Variants in RFC3 observed in about 807,000 individuals in gnomAD.
RFC3 encodes A1 38 kDa subunit.
In RFC3, 41 loss-of-function variants were observed where a neutral mutation model predicts 45.1. The ratio of observed to expected loss-of-function variants is 0.91; its 90% CI spans 0.71 to 1.18. RFC3 has a LOEUF of 1.18. Among genes scored for constraint, RFC3 ranks in the 50% most tolerant of loss-of-function variants. RFC3 has a pLI of 0.00. For synonymous variants in RFC3, 149 were observed against 144.0 expected (o/e 1.03, Z -0.25); for missense variants, 423 against 428.1 (o/e 0.99, Z 0.10).
At chr13:33,835,477 G>C (rs1209478361) in intron 8 of RFC3, 1 of 633,128 alleles carries the variant, frequency 1.6e-6, no homozygotes, top group African/African-American at 1.8e-5. Flanking sequence ...TCAGAGTGTT[G>C]TAAGTGCTGT....
At chr13:33,926,887 G>A (rs9598327) in intron 8 of RFC3, among the ~76,000 whole-genome samples, 3,436 of 150,618 alleles carry the variant, frequency 0.023, 113 homozygotes, top group African/African-American at 0.08. Context: ...GGAAATAATG[G>A]CTCATTCTGA....
At chr13:33,872,548 A>C (rs1181034638) in intron 8 of RFC3, among the ~76,000 whole-genome samples, 1 of 152,196 alleles carries the variant, frequency 6.6e-6, no homozygotes, top group East Asian at 1.9e-4. Context: ...AGCCTGACCA[A>C]CATGGAGAAA....
chr13:33,925,131 T>TACAC (rs1566030557), intron 8 of RFC3, among the ~76,000 whole-genome samples: 1 of 143,636 alleles, frequency 7.0e-6, no homozygotes, highest in African/African-American at 2.7e-5. Flanking sequence ...CATATATACA[T>TACAC]GCATATATAG....
chr13:33,823,974 G>A lies in RFC3; in HGVS notation c.283G>A (p.Val95Ile), dbSNP rs1318523948. 4 of 1,537,996 alleles carry A rather than the reference G, an allele frequency of 2.6e-6. No individual in the cohort carries two copies. In the African/African-American group the frequency reaches 4.1e-5, roughly 16 times the overall value. ...STIASNYHLE[V>I]NPSDAGNSDR... ...CATTGCAAGTAACTACCACCTTGAA[G>A]TTAATCCTAGGTAAGTTACTACTAT... Residue 95 changes from valine (V) to isoleucine (I), a missense_variant, in exon 3 of 9, where the codon GTT becomes ATT. Val to Ile is a conservative substitution (Grantham distance 29). Coordinates refer to ENST00000380071, the MANE Select transcript of RFC3 (RefSeq NM_002915.4).
At chr13:33,926,375 A>G (rs2082813707) in intron 8 of RFC3, among the ~76,000 whole-genome samples, 1 of 152,020 alleles carries the variant, frequency 6.6e-6, no homozygotes, top group South Asian at 2.1e-4. Flanking sequence ...AAATAAATAA[A>G]TTAAAAAAAA....
At chr13:33,824,148 A>G (rs1346931988) in intron 3 of RFC3, among the ~76,000 whole-genome samples, 164 bp downstream of exon 3, 2 of 152,142 alleles carry the variant, frequency 1.3e-5, no homozygotes, top group Non-Finnish European at 1.5e-5. Flanking sequence ...TGGGAATCCT[A>G]GAGCCCTTCC....
downstream of RFC3, among the ~76,000 whole-genome samples, chr13:33,967,024 G>A (rs886896146): frequency 3.9e-5 from 6 of 151,980 alleles, no homozygotes; most frequent in African/African-American, 1.4e-4. Context: ...TGGGCGTGGT[G>A]GTGCCGCTTG....
rs376913448 is a variant in RFC3, at chr13:33,835,190, T to C, written c.852T>C (p.His284=). Residue 284 remains histidine (H), a synonymous_variant, in exon 8 of 9, where the codon CAT becomes CAC. Transcript: ENST00000380071. ...GAAGGCTGTATGAGCTTCTAACTCATTGTATTCCTCCTGAGATAATAATGA... is the reference window on the plus strand; with the variant it reads ...GAAGGCTGTATGAGCTTCTAACTCACTGTATTCCTCCTGAGATAATAATGA... The part of the protein sequence containing the change: ...VRGRLYELLT[H]CIPPEIIMKG... 2.0e-4 allele frequency: 316 copies of C among 1,610,624 alleles called. 1 individual carries two copies. Among genetic ancestry groups the C allele is most frequent in the Non-Finnish European group, 2.5e-4 (299 of 1,177,158 alleles).
intron 8 of RFC3, among the ~76,000 whole-genome samples, chr13:33,939,217 A>T (rs1455780828): frequency 6.6e-6 from 1 of 152,134 alleles, no homozygotes; most frequent in Non-Finnish European, 1.5e-5. Context: ...AATATTTTTA[A>T]TTTAAATATA....
chr13:33,889,451 A>C (rs905610235), intron 8 of RFC3, among the ~76,000 whole-genome samples: 1 of 152,210 alleles, frequency 6.6e-6, no homozygotes, highest in African/African-American at 2.4e-5. Flanking sequence ...ATAATTGTAC[A>C]TGTTTAGAGG....
rs1371844620 is a variant in RFC3, at chr13:33,830,001, C to G, written c.557C>G (p.Ala186Gly). 6.2e-7 allele frequency: 1 copy of G among 1,613,898 alleles called. No individual in the cohort carries two copies. Among genetic ancestry groups the G allele is most frequent in the Non-Finnish European group, 8.5e-7 (1 of 1,179,842 alleles). Reference sequence around the variant, plus strand: ...AGGTGCTTGGCGGTTCGTGTGCCTGCTCCCAGCATTGAAGATGTAGGTCAA... The same window carrying G: ...AGGTGCTTGGCGGTTCGTGTGCCTGGTCCCAGCATTGAAGATGTAGGTCAA... ...RSRCLAVRVP[A>G]PSIEDICHVL... The change falls in exon 5 of 9, where the codon GCT becomes GGT. Residue 186 changes from alanine to glycine, a missense_variant. Transcript: ENST00000380071.
At chr13:33,892,515 T>A (rs2082570105) in intron 8 of RFC3, among the ~76,000 whole-genome samples, 1 of 152,180 alleles carries the variant, frequency 6.6e-6, no homozygotes, top group Non-Finnish European at 1.5e-5. Flanking sequence ...CTCTATTTTC[T>A]TTTTGATATC....
chr13:33,891,383 A>G (rs901511170), intron 8 of RFC3, among the ~76,000 whole-genome samples: 2 of 152,176 alleles, frequency 1.3e-5, no homozygotes, highest in African/African-American at 4.8e-5. Flanking sequence ...CCAGTAGAGG[A>G]CTAAATGAAG....
intron 8 of RFC3, among the ~76,000 whole-genome samples, chr13:33,936,967 T>C (rs2082890419): frequency 6.6e-6 from 1 of 152,148 alleles, no homozygotes; most frequent in Admixed American, 6.6e-5. Flanking sequence ...TCCTAAATGT[T>C]CTCACCACAA....
intron 8 of RFC3, among the ~76,000 whole-genome samples, chr13:33,860,569 T>C (rs1312143405): frequency 2.0e-5 from 3 of 152,012 alleles, no homozygotes; most frequent in Non-Finnish European, 1.5e-5. Context: ...GTGTTTTTGC[T>C]TATCCCTCGG....
In RFC3 at chr13:33,865,844, G is replaced by A. The variant is rs150013764; in HGVS notation, c.879+30627G>A. ...TGAGGCGGGTGGATCACCTGAGGTCGGGAGTTCCAGACCAGCCTGACCAAC... is the reference window on the plus strand; with the variant it reads ...TGAGGCGGGTGGATCACCTGAGGTCAGGAGTTCCAGACCAGCCTGACCAAC... On this transcript the variant is annotated intron_variant, in intron 8 of 8. Coordinates refer to the RFC3 transcript ENST00000434425. 9.1e-3 allele frequency among the ~76,000 whole-genome samples: 1,380 copies of A among 152,088 alleles called. 14 individuals carry two copies. The highest frequency in any genetic ancestry group is 0.032 in the African/African-American group (1,327 of 41,488).
rs1033943557 is a variant in RFC3, at chr13:33,826,463, A to G, written c.391+577A>G. ...TTTTAATCTTTGTCAGTTTGAGTGG[A>G]GAAGATAGTGTTTTGTTCTTCTTTA... On this transcript the variant is annotated intron_variant, in intron 4 of 8. Transcript: ENST00000380071. Among the ~76,000 whole-genome samples the G allele has an allele frequency of 7.2e-4, 110 of 152,288 alleles. 1 individual carries two copies. The highest frequency in any genetic ancestry group is 2.5e-3 in the African/African-American group (105 of 41,574).
intron 7 of RFC3, among the ~76,000 whole-genome samples, chr13:33,831,951 T>C (rs1459800952): frequency 6.6e-5 from 10 of 152,232 alleles, no homozygotes; most frequent in Non-Finnish European, 1.5e-4. Flanking sequence ...TAGATGACCA[T>C]GCGTTCTACT....
chr13:33,821,360 A>G lies in RFC3; in HGVS notation c.225+91A>G, dbSNP rs942910556. 101 of 1,246,904 alleles carry G rather than the reference A, an allele frequency of 8.1e-5. No homozygotes were observed. In the African/African-American group the frequency reaches 1.4e-3, roughly 17 times the overall value. 77.2% of individuals were successfully genotyped at this position (1,246,904 alleles called of 1,614,324 possible). ...TGTCCCCCCAACTCAGTTGCTTCCT[A>G]ATGTATGATTTAAATAAGAATTCCA... On this transcript the variant is annotated intron_variant, in intron 2 of 8. Coordinates refer to ENST00000380071, the MANE Select transcript of RFC3 (RefSeq NM_002915.4).
Sources: allele counts gnomAD v4.1 joint callset (sites outside exome capture counted in the v4.1 genomes callset), GRCh38; gene constraint gnomAD v4.1.1; transcripts MANE v1.5; gene names NCBI Gene and HGNC (gene_info 2026-07-23, HGNC 2026-07-21).